SEMA6D: variants seen among roughly 807,000 people sequenced by gnomAD.
SEMA6D encodes the protein semaphorin 6D.
Under a neutral mutation model 106.6 loss-of-function variants are expected in SEMA6D, and 35 were observed. The ratio of observed to expected loss-of-function variants is 0.33; its 90% CI spans 0.25 to 0.44. The LOEUF is 0.44. SEMA6D is among the 20% of genes least tolerant of loss of function. The pLI is 1.00. For synonymous variants in SEMA6D, 499 were observed against 487.7 expected (o/e 1.02, Z -0.31); for missense variants, 1,185 against 1,345.9 (o/e 0.88, Z 1.87).
intron 2 of SEMA6D, among the ~76,000 whole-genome samples, chr15:47,460,611 T>C (rs941670676): frequency 6.6e-6 from 1 of 152,142 alleles, no homozygotes; most frequent in African/African-American, 2.4e-5. Context: ...TAGGTGTTAA[T>C]GTAATTGTGA....
At chr15:47,672,012 T>C (rs1292565453) in intron 4 of SEMA6D, among the ~76,000 whole-genome samples, 1 of 152,242 alleles carries the variant, frequency 6.6e-6, no homozygotes, top group East Asian at 1.9e-4. Flanking sequence ...TACCAAACAT[T>C]GTTCTAAAAC....
intron 1 of SEMA6D, among the ~76,000 whole-genome samples, chr15:47,370,395 G>A (rs2039223881): frequency 6.6e-6 from 1 of 152,076 alleles, no homozygotes; most frequent in Non-Finnish European, 1.5e-5. Context: ...CATGCATATA[G>A]TCCCAGCTAC....
intron 4 of SEMA6D, among the ~76,000 whole-genome samples, chr15:47,658,753 AAAG>A (rs1344504488): frequency 6.6e-6 from 1 of 152,162 alleles, no homozygotes; most frequent in African/African-American, 2.4e-5. Context: ...ATTTGTATTA[AAAG>A]AAGAGCTTAA....
intron 3 of SEMA6D, among the ~76,000 whole-genome samples, chr15:47,505,570 A>T (rs763513197): frequency 6.6e-6 from 1 of 152,208 alleles, no homozygotes; most frequent in Non-Finnish European, 1.5e-5. Flanking sequence ...CATTGAGGTT[A>T]TCTAGCTGAC....
chr15:47,757,731 A>C (rs1431783263), intron 1 of SEMA6D, among the ~76,000 whole-genome samples: 5 of 152,194 alleles, frequency 3.3e-5, no homozygotes, highest in Non-Finnish European at 7.3e-5. Context: ...CTAGTTGTGA[A>C]AAATAACTGG....
chr15:47,263,215 A>G (rs750937688), intron 1 of SEMA6D, among the ~76,000 whole-genome samples: 47 of 152,190 alleles, frequency 3.1e-4, no homozygotes, highest in Non-Finnish European at 5.3e-4. Flanking sequence ...ATTAAACTAA[A>G]CAGCCTCTGC....
At chr15:47,272,077 T>A (rs56233069) in intron 1 of SEMA6D, among the ~76,000 whole-genome samples, 44,270 of 152,026 alleles carry the variant, frequency 0.29, 6,811 homozygotes, top group Middle Eastern at 0.45. Flanking sequence ...CAAAGCTGCT[T>A]AGAGCCAAGT....
chr15:47,202,589 A>G (rs914988924), intron 1 of SEMA6D, among the ~76,000 whole-genome samples: 31 of 152,194 alleles, frequency 2.0e-4, no homozygotes, highest in African/African-American at 7.2e-4. Context: ...AAGTATGTCA[A>G]CATATAAAAC....
At chr15:47,733,618 C>T (rs758206703) in intron 1 of SEMA6D, among the ~76,000 whole-genome samples, 23 of 152,198 alleles carry the variant, frequency 1.5e-4, no homozygotes, top group Middle Eastern at 3.4e-3. Flanking sequence ...CCAGAGAGTC[C>T]GGGGTTCAAA....
intron 1 of SEMA6D, among the ~76,000 whole-genome samples, chr15:47,276,523 C>T (rs533019960): frequency 1.3e-5 from 2 of 152,236 alleles, no homozygotes; most frequent in South Asian, 4.2e-4. Flanking sequence ...TGTTTGTGCT[C>T]TATAAATGGA....
At chr15:47,618,098 G>T (rs958652434) in intron 4 of SEMA6D, among the ~76,000 whole-genome samples, 1 of 152,192 alleles carries the variant, frequency 6.6e-6, no homozygotes, top group Non-Finnish European at 1.5e-5. Context: ...AGCCTGCTGG[G>T]TGACCTAACC....
chr15:47,529,751 A>C (rs773251921), intron 3 of SEMA6D, among the ~76,000 whole-genome samples: 5 of 152,096 alleles, frequency 3.3e-5, no homozygotes, highest in Non-Finnish European at 5.9e-5. Context: ...ATTGATGTAA[A>C]CCTTGTGGAG....
At chr15:47,715,723 C>T (rs1171146371), upstream of SEMA6D, among the ~76,000 whole-genome samples, 2 of 152,178 alleles carry the variant, frequency 1.3e-5, no homozygotes, top group South Asian at 4.1e-4. Flanking sequence ...AGGTGGCACT[C>T]TGGAAAGCTG....
chr15:47,352,605 T>C (rs2038368375), intron 1 of SEMA6D, among the ~76,000 whole-genome samples: 1 of 152,224 alleles, frequency 6.6e-6, no homozygotes, highest in Non-Finnish European at 1.5e-5. Flanking sequence ...ATTATCGTAA[T>C]TATTCTAACT....
chr15:47,438,947 A>C (rs2041805159), intron 2 of SEMA6D, among the ~76,000 whole-genome samples: 1 of 152,070 alleles, frequency 6.6e-6, no homozygotes, highest in South Asian at 2.1e-4. Context: ...ATCTCCCAGC[A>C]AATACCTTGC....
In SEMA6D at chr15:47,758,996, T is replaced by C. The variant is rs144118301; in HGVS notation, c.-54-749T>C. On this transcript the variant is annotated intron_variant, in intron 1 of 18. Coordinates refer to ENST00000536845, the MANE Select transcript of SEMA6D (RefSeq NM_001358351.3). ...ATAAAGCTAAAAGGACCGGTGTACT[T>C]AGGGTATTGGTTTGTGTCCAAATGG... 3.0e-3 allele frequency among the ~76,000 whole-genome samples: 460 copies of C among 152,284 alleles called. 1 individual carries two copies. The highest frequency in any genetic ancestry group is 0.011 in the African/African-American group (452 of 41,552).
intron 3 of SEMA6D, among the ~76,000 whole-genome samples, chr15:47,503,598 A>T (rs1299915552): frequency 6.6e-6 from 1 of 152,130 alleles, no homozygotes; most frequent in African/African-American, 2.4e-5. Flanking sequence ...CACCATGTAG[A>T]TATGGCATAA....
chr15:47,761,296 T>C, intron 5 of SEMA6D, 34 bp from the exon 6 acceptor site: 9 of 1,609,552 alleles, frequency 5.6e-6, no homozygotes, highest in Non-Finnish European at 7.6e-6. Context: ...CATGTTCAAA[T>C]GTCTAATATT....
At chr15:47,518,649 TA>T (rs1297508852) in intron 3 of SEMA6D, among the ~76,000 whole-genome samples, 1 of 152,166 alleles carries the variant, frequency 6.6e-6, no homozygotes, top group African/African-American at 2.4e-5. Flanking sequence ...ATCTAATGGA[TA>T]AAAAATGATA....
Sources: allele counts gnomAD v4.1 joint callset (sites outside exome capture counted in the v4.1 genomes callset), GRCh38; gene constraint gnomAD v4.1.1; transcripts MANE v1.5; gene names NCBI Gene and HGNC (gene_info 2026-07-23, HGNC 2026-07-21).